IFT122: variants seen among roughly 807,000 people sequenced by gnomAD.
IFT122 encodes the protein intraflagellar transport protein 122 homolog.
A neutral mutation model predicts 161.6 loss-of-function variants in IFT122; 118 were observed. That is an observed-to-expected ratio of 0.73 (90% confidence interval 0.63 to 0.85). IFT122 has a LOEUF of 0.85. Ranked by LOEUF, IFT122 falls within the 40% of genes least tolerant of loss-of-function variation. The pLI, the probability that IFT122 is intolerant of heterozygous loss-of-function variation, is 0.00. For synonymous variants in IFT122, 550 were observed against 602.4 expected (o/e 0.91, Z 1.27); for missense variants, 1,381 against 1,579.6 (o/e 0.87, Z 2.13).
intron 9 of IFT122, among the ~76,000 whole-genome samples, chr3:129,471,052 T>G (rs183924654): frequency 2.0e-5 from 3 of 152,316 alleles, no homozygotes. Flanking sequence ...GGATGACTTA[T>G]TAGTAGGCAG....
chr3:129,503,795 G>C (rs972757654), intron 20 of IFT122, among the ~76,000 whole-genome samples: 1 of 152,156 alleles, frequency 6.6e-6, no homozygotes, highest in Non-Finnish European at 1.5e-5. Context: ...GAATGACTCA[G>C]ACCTCGCTGT....
rs2074979204 is a variant in IFT122, at chr3:129,452,589, G to T, written c.193+591G>T. 4.6e-5 allele frequency among the ~76,000 whole-genome samples: 7 copies of T among 152,208 alleles called. No individual in the cohort carries two copies. The South Asian group carries it at 1.2e-3, about 27-fold the overall frequency. ...AGAGCCATTGCAGAGGCCCTCAGGT[G>T]TGGGTGTGGCTGCTAGGAGCTGGAT... On this transcript the variant is annotated intron_variant, in intron 3 of 29. Transcript: ENST00000348417.
At chr3:129,485,170 C>T (rs1282241079) in intron 15 of IFT122, among the ~76,000 whole-genome samples, 1 of 152,180 alleles carries the variant, frequency 6.6e-6, no homozygotes, top group African/African-American at 2.4e-5. Context: ...GGTCCTTGCA[C>T]CTGTCCCAAC....
intron 14 of IFT122, among the ~76,000 whole-genome samples, chr3:129,483,166 GATTATAAAAGATTTAGTC>G (rs1342306838): frequency 1.3e-5 from 2 of 152,192 alleles, no homozygotes; most frequent in African/African-American, 4.8e-5. Context: ...AATCCATGCT[GATTATAAAAGATTTAGTC>G]ATTATAAAAG....
chr3:129,460,877 T>A lies in IFT122; in HGVS notation c.273-351T>A, dbSNP rs188269752. On this transcript the variant is annotated intron_variant, in intron 4 of 29. Coordinates refer to ENST00000348417, the MANE Select transcript of IFT122 (RefSeq NM_052989.3). ...AGATCTTGGTCTGTGATGTCTTCAT[T>A]GCACCTCCATCTTCCATTTCTGGGC... The A allele has an allele frequency of 3.1e-6, 5 of 1,613,978 alleles. No homozygotes were observed. In the Admixed American group the frequency reaches 8.3e-5, roughly 27 times the overall value.
intron 27 of IFT122, among the ~76,000 whole-genome samples, chr3:129,518,240 C>T (rs2084259628): frequency 6.6e-6 from 1 of 152,234 alleles, no homozygotes; most frequent in South Asian, 2.1e-4. Flanking sequence ...TCAGCTGTGG[C>T]AGTGAAAGCC....
intron 20 of IFT122, 146 bp from the exon 21 acceptor site, chr3:129,504,172 TG>T (rs2081944322): frequency 1.5e-6 from 1 of 680,624 alleles, no homozygotes; most frequent in Non-Finnish European, 2.6e-6. Context: ...TGCATTTCTG[TG>T]GGTAGTTTTT....
At position 129,478,018 on chromosome 3, in the gene IFT122, C is replaced by T. The variant is rs139079256; in HGVS notation, c.1150C>T (p.Arg384Trp). 2.0e-5 allele frequency: 32 copies of T among 1,613,552 alleles called. No individual in the cohort carries two copies. Among genetic ancestry groups the T allele is most frequent in the African/African-American group, 6.7e-5 (5 of 75,006 alleles). The change falls in exon 12 of 30, where the codon CGG becomes TGG. Residue 384 changes from arginine (R) to tryptophan (W), a missense_variant and splice_region_variant. Around this residue, in one of 7 missense-constraint regions of IFT122, gnomAD observed 544 missense variants for 648.0 expected, o/e 0.84. Coordinates refer to ENST00000348417, the MANE Select transcript of IFT122 (RefSeq NM_052989.3). ...VQHLITEQKV[R>W]IKCKELVKKI... ...CTAGATATTTTTTTCTTTGACAGTT[C>T]GGATTAAATGCAAAGAGCTTGTCAA...
chr3:129,490,655 G>C (rs774202691), intron 16 of IFT122, among the ~76,000 whole-genome samples: 1 of 152,238 alleles, frequency 6.6e-6, no homozygotes, highest in South Asian at 2.1e-4. Flanking sequence ...CCCAGAAGCA[G>C]AGAAGTAGGC....
chr3:129,507,380 C>G (rs2082295547), intron 22 of IFT122, among the ~76,000 whole-genome samples: 1 of 152,236 alleles, frequency 6.6e-6, no homozygotes, highest in Non-Finnish European at 1.5e-5. Context: ...GTCGCTCCCC[C>G]AGGGGAATAA....
chr3:129,499,929 G>C lies in IFT122; in HGVS notation c.2236G>C (p.Glu746Gln). ...TTTCCTTGGATCTGGAGACCCCAAA[G>C]AAACAAAGATGCTAATCACCAAACA... ...KDFLGSGDPKETKMLITKQAD... is the reference protein window; with the variant it reads ...KDFLGSGDPKQTKMLITKQAD... Residue 746 changes from glutamate to glutamine, a missense_variant, in exon 19 of 30, where the codon GAA (glutamate) becomes CAA (glutamine). By Grantham distance (29) the Glu-to-Gln change is conservative (BLOSUM62 2). Around this residue, in one of 7 missense-constraint regions of IFT122, gnomAD observed 496 missense variants for 502.5 expected, o/e 0.99. Transcript: ENST00000348417. The C allele has an allele frequency of 1.2e-6, 2 of 1,614,186 alleles. No individual in the cohort carries two copies. Among genetic ancestry groups the C allele is most frequent in the Non-Finnish European group, 1.7e-6 (2 of 1,180,024 alleles).
intron 1 of IFT122, among the ~76,000 whole-genome samples, chr3:129,442,536 T>G (rs2107804013): frequency 6.7e-6 from 1 of 149,592 alleles, no homozygotes; most frequent in South Asian, 2.1e-4. Context: ...CTGCTAGATA[T>G]ACCAGCTGAT....
intron 13 of IFT122, among the ~76,000 whole-genome samples, chr3:129,480,764 T>A (rs999306437): frequency 1.3e-5 from 2 of 152,156 alleles, no homozygotes; most frequent in African/African-American, 4.8e-5. Flanking sequence ...CCTGGGCAGG[T>A]CACTTTACCT....
intron 2 of IFT122, among the ~76,000 whole-genome samples, chr3:129,450,386 C>T (rs565844045): frequency 6.6e-6 from 1 of 152,274 alleles, no homozygotes; most frequent in South Asian, 2.1e-4. Context: ...TTTCAAATAA[C>T]ATAAGCTCCC....
At chr3:129,455,898 TGAGGAGGAGGAGGAG>T (rs57434974) in intron 3 of IFT122, among the ~76,000 whole-genome samples, 2 of 150,618 alleles carry the variant, frequency 1.3e-5, no homozygotes, top group Non-Finnish European at 3.0e-5. Context: ...TTGAATAGGC[TGAGGAGGAGGAGGAG>T]GAGGAGGAGG....
intron 29 of IFT122, 90 bp downstream of exon 29, chr3:129,519,822 G>C: frequency 6.9e-7 from 1 of 1,453,616 alleles, no homozygotes; most frequent in Non-Finnish European, 9.6e-7. Context: ...GCCCCTGGGA[G>C]GAGGGGCACA....
At chr3:129,520,099 G>A (rs2084569377) in intron 29 of IFT122, 77 bp from the exon 30 acceptor site, 1 of 1,185,862 alleles carries the variant, frequency 8.4e-7, no homozygotes, top group African/African-American at 1.5e-5. Flanking sequence ...CCCTTGAGAG[G>A]CAGTGCGTCC....
intron 9 of IFT122, 26 bp from the exon 10 acceptor site, chr3:129,476,289 C>T: frequency 2.5e-6 from 4 of 1,613,656 alleles, no homozygotes; most frequent in Middle Eastern, 1.6e-4. Context: ...ATGGTTTTTC[C>T]CTTGCTGTGT....
At chr3:129,476,868 G>C (rs145239724) in intron 11 of IFT122, 67 bp downstream of exon 11, 2 of 1,598,850 alleles carry the variant, frequency 1.3e-6, no homozygotes, top group East Asian at 2.2e-5. Context: ...CTGGTGACAG[G>C]GCACTTGAAA....
Sources: gnomAD v4.1 joint callset for allele counts (sites outside exome capture counted in the v4.1 genomes callset) on GRCh38, gnomAD v4.1.1 for gene constraint, gnomAD v4.1.1 regional missense constraint, MANE v1.5 for transcripts, NCBI Gene and HGNC (gene_info 2026-07-23, HGNC 2026-07-21) for gene names.